Variants in CLNK observed in about 807,000 individuals in gnomAD.
CLNK encodes the protein cytokine-dependent hematopoietic cell linker.
In CLNK, 74 loss-of-function variants were observed where a neutral mutation model predicts 68.6. The ratio of observed to expected loss-of-function variants is 1.08; its 90% confidence interval spans 0.89 to 1.31. The LOEUF (loss-of-function observed/expected upper bound fraction) is 1.31. Ranked by LOEUF, CLNK falls within the 50% of genes most tolerant of loss-of-function variation. The probability of loss-of-function intolerance (pLI) is 0.00; values close to 1 mark genes in which losing one functional copy is unlikely to be tolerated. For synonymous variants in CLNK, 198 were observed against 172.2 expected (o/e 1.15, Z -1.17); for missense variants, 553 against 515.3 (o/e 1.07, Z -0.71).
intron 3 of CLNK, among the ~76,000 whole-genome samples, chr4:10,595,511 A>T (rs1029737294): frequency 6.6e-6 from 1 of 152,064 alleles, no homozygotes; most frequent in Admixed American, 6.6e-5. Flanking sequence ...TTACTTGGAG[A>T]TCCTCCCAGG....
At chr4:10,516,551 CTTT>C (rs11322271) in intron 15 of CLNK, among the ~76,000 whole-genome samples, 7 of 132,418 alleles carry the variant, frequency 5.3e-5, no homozygotes, top group East Asian at 2.2e-4. Context: ...AGGATTGTAG[CTTT>C]TTTTTTTTTT....
chr4:10,696,365 C>A, the CLNK span, among the ~76,000 whole-genome samples: 1 of 152,172 alleles, frequency 6.6e-6, no homozygotes, highest in Non-Finnish European at 1.5e-5. Flanking sequence ...TACTTTGCAA[C>A]CTGCCAGCAC....
chr4:10,603,166 C>T (rs776844035), intron 2 of CLNK, among the ~76,000 whole-genome samples: 8 of 152,228 alleles, frequency 5.3e-5, no homozygotes, highest in Non-Finnish European at 1.2e-4. Flanking sequence ...TTTTCCAGAA[C>T]CTTCTCATTC....
the CLNK span, among the ~76,000 whole-genome samples, chr4:10,713,522 G>A: frequency 2.6e-5 from 4 of 152,080 alleles, no homozygotes; most frequent in Non-Finnish European, 5.9e-5. Context: ...GCTGTAGAGA[G>A]AGACCTGGGG....
chr4:10,693,772 A>T, the CLNK span, among the ~76,000 whole-genome samples: 1 of 152,214 alleles, frequency 6.6e-6, no homozygotes, highest in Non-Finnish European at 1.5e-5. Context: ...ACACATTTCT[A>T]GTTCCCTATC....
At chr4:10,717,754 G>C in the CLNK span, among the ~76,000 whole-genome samples, 1 of 152,166 alleles carries the variant, frequency 6.6e-6, no homozygotes, top group African/African-American at 2.4e-5. Context: ...GCTAAAACAC[G>C]AAGTTTAAGT....
intron 8 of CLNK, among the ~76,000 whole-genome samples, chr4:10,547,860 A>G (rs1057391529): frequency 1.3e-5 from 2 of 152,134 alleles, no homozygotes; most frequent in African/African-American, 4.8e-5. Flanking sequence ...CATTGTGTGT[A>G]TATACCACAA....
chr4:10,514,567 G>C (rs1331047682), intron 15 of CLNK, among the ~76,000 whole-genome samples: 4 of 147,652 alleles, frequency 2.7e-5, no homozygotes, highest in African/African-American at 7.6e-5. Flanking sequence ...GCTGAAACTG[G>C]ATCCCTTCCT....
At chr4:10,724,501 TA>T in the CLNK span, among the ~76,000 whole-genome samples, 1 of 149,940 alleles carries the variant, frequency 6.7e-6, no homozygotes, top group Non-Finnish European at 1.5e-5. Flanking sequence ...TTTCGTTGCC[TA>T]TTATAATGTA....
intron 1 of CLNK, among the ~76,000 whole-genome samples, chr4:10,674,709 C>A (rs1338756406): frequency 1.3e-5 from 2 of 152,148 alleles, no homozygotes; most frequent in African/African-American, 4.8e-5. Context: ...CTATTTGGAC[C>A]AAACAACCCC....
the CLNK span, among the ~76,000 whole-genome samples, chr4:10,707,814 T>C: frequency 1.3e-5 from 2 of 152,290 alleles, no homozygotes; most frequent in African/African-American, 2.4e-5. Flanking sequence ...ATTCAGAGGA[T>C]AGGGGTGTAA....
In CLNK at chr4:10,488,739, T is replaced by C. The variant is rs1716444348; in HGVS notation, c.*1728A>G. On this transcript the variant is annotated 3_prime_UTR_variant, in exon 19 of 19. Transcript: ENST00000226951. ...GAGAACACCTGAGCAGGTATTTGGA[T>C]AGTGGGTAGATGCTAAGAGCTTTTC... is the stretch of plus-strand genomic sequence containing the variant. 6.6e-6 allele frequency: 1 copy of C among 152,240 alleles called. No homozygotes were observed. Among genetic ancestry groups the C allele is most frequent in the Admixed American group, 6.5e-5 (1 of 15,282 alleles). 9.4% of individuals were successfully genotyped at this position (152,240 alleles called of 1,614,324 possible).
intron 2 of CLNK, among the ~76,000 whole-genome samples, chr4:10,653,712 A>G (rs1284024262): frequency 1.3e-5 from 2 of 152,348 alleles, no homozygotes; most frequent in East Asian, 3.9e-4. Flanking sequence ...ACTCGTATCA[A>G]AAATGAAATG....
intron 2 of CLNK, among the ~76,000 whole-genome samples, chr4:10,628,274 G>A (rs560429322): frequency 1.3e-4 from 19 of 150,702 alleles, no homozygotes; most frequent in African/African-American, 4.6e-4. Flanking sequence ...TCCCTCACTG[G>A]CCTTTCATTT....
chr4:10,733,618 C>T, the CLNK span, among the ~76,000 whole-genome samples: 1 of 152,190 alleles, frequency 6.6e-6, no homozygotes, highest in Non-Finnish European at 1.5e-5. Context: ...ACCTGGTTTG[C>T]CATGCATCTG....
the CLNK span, among the ~76,000 whole-genome samples, chr4:10,719,405 G>C: frequency 6.0e-4 from 91 of 151,892 alleles, no homozygotes; most frequent in Non-Finnish European, 1.1e-3. Flanking sequence ...TCAAAAGAAA[G>C]AGTGACTGTA....
In CLNK at chr4:10,562,912, G is replaced by A. The variant is rs79498301; in HGVS notation, c.399+1759C>T. Among the ~76,000 whole-genome samples, 929 of 152,254 alleles carry A rather than the reference G, an allele frequency of 6.1e-3. 18 individuals are homozygous for A. The highest frequency in any genetic ancestry group is 0.056 in the East Asian group (293 of 5,188). ...TAAGCACAGGGAATTGGTGGTTCAC[G>A]GATATGTCTTTAGAGTCTATAATTG... On this transcript the variant is annotated intron_variant, in intron 7 of 18. Transcript: ENST00000226951.
At chr4:10,624,019 G>A (rs2108863227) in intron 2 of CLNK, among the ~76,000 whole-genome samples, 1 of 152,252 alleles carries the variant, frequency 6.6e-6, no homozygotes, top group East Asian at 1.9e-4. Flanking sequence ...GTGAAATGAT[G>A]GTGTCCCAGT....
chr4:10,502,460 ATCTGTGTAGG>A, intron 17 of CLNK, among the ~76,000 whole-genome samples: 1 of 151,962 alleles, frequency 6.6e-6, no homozygotes, highest in East Asian at 1.9e-4. Context: ...TCAAGATGAG[ATCTGTGTAGG>A]GTCACAGACA....
Sources: gnomAD v4.1 joint callset for allele counts (sites outside exome capture counted in the v4.1 genomes callset) on GRCh38, gnomAD v4.1.1 for gene constraint, MANE v1.5 for transcripts, NCBI Gene and HGNC (gene_info 2026-07-23, HGNC 2026-07-21) for gene names.